Variants in NAV2 observed in about 807,000 individuals in gnomAD.
The protein encoded by NAV2 is neuron navigator 2.
In NAV2, 54 loss-of-function variants were observed where a neutral mutation model predicts 223.2. The observed-to-expected ratio is 0.24, with a 90% CI of 0.19 to 0.30. The LOEUF (loss-of-function observed/expected upper bound fraction) is 0.30, where lower values mean the gene tolerates loss of function less well. NAV2 is among the 10% of genes least tolerant of loss of function. NAV2 has a pLI of 1.00. For missense variants in NAV2, 2,806 were observed against 3,147.5 expected (o/e 0.89, Z 2.60); for synonymous variants, 1,279 against 1,239.3 (o/e 1.03, Z -0.67).
intron 1 of NAV2, among the ~76,000 whole-genome samples, chr11:19,493,458 T>C (rs1340821622): frequency 6.6e-6 from 1 of 152,230 alleles, no homozygotes; most frequent in African/African-American, 2.4e-5. Context: ...CTCTCTGTAA[T>C]GTCTATGGTA....
At chr11:19,965,754 T>C (rs1292635382) in intron 10 of NAV2, among the ~76,000 whole-genome samples, 1 of 152,256 alleles carries the variant, frequency 6.6e-6, no homozygotes, top group Non-Finnish European at 1.5e-5. Context: ...TAATGTAGCT[T>C]CTTGAAACTA....
At chr11:19,345,402 G>T in the NAV2 span, among the ~76,000 whole-genome samples, 1 of 152,250 alleles carries the variant, frequency 6.6e-6, no homozygotes, top group Admixed American at 6.5e-5. The surrounding 1 kb of genome is among the most constrained non-coding windows in gnomAD (Gnocchi z 5.2). Flanking sequence ...GGTGCAACTG[G>T]GTGGGCAAGG....
intron 1 of NAV2, among the ~76,000 whole-genome samples, chr11:19,800,298 AGCACTTGGGG>A (rs2058163789): frequency 6.6e-6 from 1 of 152,108 alleles, no homozygotes; most frequent in Non-Finnish European, 1.5e-5. Context: ...TGGATATTCT[AGCACTTGGGG>A]AGCAGCCCAC....
intron 1 of NAV2, among the ~76,000 whole-genome samples, chr11:19,597,600 T>C (rs901349773): frequency 6.6e-6 from 1 of 152,228 alleles, no homozygotes; most frequent in African/African-American, 2.4e-5. Context: ...AAATTCTCAT[T>C]AGCTGCAGTT....
At chr11:19,703,332 T>G (rs893534865) in intron 1 of NAV2, among the ~76,000 whole-genome samples, 3 of 152,172 alleles carry the variant, frequency 2.0e-5, no homozygotes, top group Admixed American at 6.5e-5. Flanking sequence ...CAGCAGCACC[T>G]CTTCCATCTG....
At chr11:20,115,139 G>A (rs555526800) in intron 37 of NAV2, among the ~76,000 whole-genome samples, 11 of 120,064 alleles carry the variant, frequency 9.2e-5, no homozygotes, top group South Asian at 3.7e-4. Flanking sequence ...CTCTCCTACC[G>A]ATAGCAGAGC....
At chr11:19,973,831 C>T (rs1049055408) in intron 10 of NAV2, among the ~76,000 whole-genome samples, 3 of 152,210 alleles carry the variant, frequency 2.0e-5, no homozygotes, top group Non-Finnish European at 2.9e-5. Flanking sequence ...TGTGTGTTGT[C>T]CATAATGCTT....
chr11:20,059,218 A>G (rs1051837525), intron 19 of NAV2, among the ~76,000 whole-genome samples: 1 of 152,110 alleles, frequency 6.6e-6, no homozygotes, highest in African/African-American at 2.4e-5. Context: ...GACTCTTTCC[A>G]CAGTACCCAA....
chr11:19,673,314 G>A (rs1429164783), intron 1 of NAV2, among the ~76,000 whole-genome samples: 1 of 152,190 alleles, frequency 6.6e-6, no homozygotes, highest in Non-Finnish European at 1.5e-5. Context: ...ACTGTGCTGG[G>A]TGCCTTATGC....
At chr11:19,921,458 C>A (rs1200861756) in intron 6 of NAV2, among the ~76,000 whole-genome samples, 1 of 152,210 alleles carries the variant, frequency 6.6e-6, no homozygotes, top group Non-Finnish European at 1.5e-5. Flanking sequence ...GCTAAATTGT[C>A]TGACGTTCCT....
chr11:19,357,707 C>G (rs1268147659), intron 1 of NAV2, among the ~76,000 whole-genome samples: 1 of 152,170 alleles, frequency 6.6e-6, no homozygotes, highest in Non-Finnish European at 1.5e-5. Flanking sequence ...GCACATCTTT[C>G]TAAAAGAAAG....
chr11:19,772,887 T>C (rs1425237), intron 1 of NAV2, among the ~76,000 whole-genome samples: 64,188 of 152,090 alleles, frequency 0.42, 15,282 homozygotes, highest in African/African-American at 0.66. Flanking sequence ...AACTGAAATA[T>C]GTTATCTGGG....
chr11:19,993,088 A>G (rs1469966422), intron 11 of NAV2, among the ~76,000 whole-genome samples: 1 of 152,190 alleles, frequency 6.6e-6, no homozygotes, highest in Non-Finnish European at 1.5e-5. Flanking sequence ...ATAGGCCCCA[A>G]TCCCAAGTCA....
At chr11:19,548,210 C>T (rs928213146) in intron 1 of NAV2, among the ~76,000 whole-genome samples, 2 of 152,150 alleles carry the variant, frequency 1.3e-5, no homozygotes, top group Non-Finnish European at 2.9e-5. Flanking sequence ...AAGAAAGAAA[C>T]TTAAAGAAAG....
chr11:19,543,263 G>T (rs991560007), intron 1 of NAV2, among the ~76,000 whole-genome samples: 2 of 152,188 alleles, frequency 1.3e-5, no homozygotes, highest in South Asian at 4.1e-4. Flanking sequence ...TGACTGCCTG[G>T]TATGGTAGTC....
chr11:19,358,201 G>A (rs1853729305), intron 1 of NAV2, among the ~76,000 whole-genome samples: 1 of 152,146 alleles, frequency 6.6e-6, no homozygotes, highest in Admixed American at 6.5e-5. Flanking sequence ...AGAAATGAGA[G>A]GAGATGCGGA....
intron 1 of NAV2, among the ~76,000 whole-genome samples, chr11:19,746,849 A>G (rs2053397863): frequency 6.6e-6 from 1 of 152,050 alleles, no homozygotes; most frequent in African/African-American, 2.4e-5. Context: ...AAAAAAAAAC[A>G]TGAAGATTAT....
At chr11:19,810,283 G>A (rs542354785) in intron 1 of NAV2, among the ~76,000 whole-genome samples, 2 of 152,112 alleles carry the variant, frequency 1.3e-5, no homozygotes, top group South Asian at 4.1e-4. Context: ...ATTGTGTTTT[G>A]GAGTGGGGAT....
intron 1 of NAV2, among the ~76,000 whole-genome samples, chr11:19,742,437 A>G (rs2152462688): frequency 6.6e-6 from 1 of 152,388 alleles, no homozygotes; most frequent in East Asian, 1.9e-4. Flanking sequence ...TAAGGCCAGA[A>G]TAAATTTCAC....
Sources: allele counts gnomAD v4.1 joint callset (sites outside exome capture counted in the v4.1 genomes callset), GRCh38; gene constraint gnomAD v4.1.1; non-coding constraint Gnocchi (gnomAD v3.1); transcripts MANE v1.5; gene names NCBI Gene and HGNC (gene_info 2026-07-23, HGNC 2026-07-21).